The following ZHX2 variants were observed in gnomAD, a reference collection of about 807,000 sequenced individuals.
The protein encoded by ZHX2 is zinc fingers and homeoboxes 2.
Under a neutral mutation model 21.9 loss-of-function variants are expected in ZHX2, and 6 were observed. The observed-to-expected ratio is 0.27, with a 90% CI of 0.15 to 0.54. The LOEUF is 0.54. Ranked by LOEUF, ZHX2 falls within the 20% of genes least tolerant of loss-of-function variation. ZHX2 has a pLI of 0.95. For missense variants in ZHX2, 908 were observed against 1,090.7 expected (o/e 0.83, Z 2.36); for synonymous variants, 434 against 437.1 (o/e 0.99, Z 0.09).
chr8:122,925,102 A>T (rs1197455032), intron 2 of ZHX2, among the ~76,000 whole-genome samples: 1 of 152,228 alleles, frequency 6.6e-6, no homozygotes, highest in Non-Finnish European at 1.5e-5. Context: ...CAGTCCCAGC[A>T]TCAGCCTGAC....
intron 3 of ZHX2, 111 bp from the exon 4 acceptor site, chr8:122,973,125 TGGAAGG>T (rs1052782762): frequency 1.6e-4 from 25 of 152,318 alleles, no homozygotes; most frequent in African/African-American, 6.0e-4. Flanking sequence ...AGGATGACTT[TGGAAGG>T]CCCCCACCCC....
chr8:122,963,881 T>C (rs539391717), intron 3 of ZHX2, among the ~76,000 whole-genome samples: 2 of 151,888 alleles, frequency 1.3e-5, no homozygotes, highest in East Asian at 3.9e-4. Context: ...TTTTTTGTTG[T>C]TGTTTCTTTG....
chr8:122,879,896 G>T (rs1022287144), intron 2 of ZHX2, among the ~76,000 whole-genome samples: 2 of 151,658 alleles, frequency 1.3e-5, no homozygotes, highest in African/African-American at 4.8e-5. Flanking sequence ...CTTGAGTGCT[G>T]CCCTGTGGTT....
intron 1 of ZHX2, among the ~76,000 whole-genome samples, chr8:122,822,032 G>C (rs1448432384): frequency 6.6e-6 from 1 of 152,090 alleles, no homozygotes; most frequent in East Asian, 1.9e-4. Context: ...TGTGCTTCTA[G>C]GAGCCCTATT....
intron 2 of ZHX2, among the ~76,000 whole-genome samples, chr8:122,942,482 G>A (rs951283988): frequency 6.6e-6 from 1 of 152,134 alleles, no homozygotes; most frequent in Non-Finnish European, 1.5e-5. Flanking sequence ...AAGCCCGGAG[G>A]TGTGATTCCC....
intron 2 of ZHX2, among the ~76,000 whole-genome samples, chr8:122,869,863 G>C (rs1474432247): frequency 6.6e-6 from 1 of 152,242 alleles, no homozygotes; most frequent in Non-Finnish European, 1.5e-5. Flanking sequence ...TCATAGGGTA[G>C]TTAGGATGAC....
In ZHX2 at chr8:122,940,209, G is replaced by T. The variant is rs374033993; in HGVS notation, c.-219-11083G>T. Among the ~76,000 whole-genome samples the T allele has an allele frequency of 8.5e-5, 13 of 152,322 alleles. No homozygotes were observed. The East Asian group carries it at 9.6e-4, about 11-fold the overall frequency. On this transcript the variant is annotated intron_variant, in intron 2 of 3. Coordinates refer to ENST00000314393, the MANE Select transcript of ZHX2 (RefSeq NM_014943.5). ...ACTGGGGGTGCTGGCTTCAGCCTGTGCCCCACTTCTACTGACCTGGTGAGC... is the reference window on the plus strand; with the variant it reads ...ACTGGGGGTGCTGGCTTCAGCCTGTTCCCCACTTCTACTGACCTGGTGAGC...
At chr8:122,798,260 A>C (rs1057184741) in intron 1 of ZHX2, among the ~76,000 whole-genome samples, 1 of 152,206 alleles carries the variant, frequency 6.6e-6, no homozygotes, top group Non-Finnish European at 1.5e-5. Flanking sequence ...TTCTTGCAGG[A>C]AATATTCGAG....
intron 2 of ZHX2, among the ~76,000 whole-genome samples, chr8:122,925,610 G>A (rs1225196337): frequency 6.6e-6 from 1 of 152,178 alleles, no homozygotes; most frequent in Non-Finnish European, 1.5e-5. Context: ...TTGAAGATAC[G>A]CAAGAGGTTG....
chr8:122,909,874 C>A (rs572301406), intron 2 of ZHX2, among the ~76,000 whole-genome samples: 33 of 152,330 alleles, frequency 2.2e-4, no homozygotes, highest in African/African-American at 7.9e-4. Context: ...ATGCTTCTTG[C>A]CCGCCTAAAA....
chr8:122,858,626 T>TTTTC (rs1439632333), intron 1 of ZHX2, among the ~76,000 whole-genome samples: 1 of 143,782 alleles, frequency 7.0e-6, no homozygotes, highest in African/African-American at 2.6e-5. Flanking sequence ...ACTCCTTTTT[T>TTTTC]TTTCTTTCTT....
In ZHX2 at chr8:122,952,574, C is replaced by A; in HGVS notation, c.1064C>A (p.Thr355Lys). Residue 355 changes from threonine to lysine, a missense_variant, in exon 3 of 4, where the codon ACA becomes AAA. By Grantham distance (78) the Thr-to-Lys change is moderately conservative. Coordinates refer to ENST00000314393, the MANE Select transcript of ZHX2 (RefSeq NM_014943.5). The surrounding 1 kb of genome is among the most constrained non-coding windows in gnomAD (Gnocchi z 6.9). ...GTGCTGCCCGCCCAGTTGGCCCCCA[C>A]AAAGGTGACGCAGCCCATCCTCCAG... ...ITVLPAQLAP[T>K]KVTQPILQTA... 2 of 1,614,220 alleles carry A rather than the reference C, an allele frequency of 1.2e-6. No homozygotes were observed. Among genetic ancestry groups the A allele is most frequent in the Non-Finnish European group, 1.7e-6 (2 of 1,180,042 alleles).
intron 1 of ZHX2, among the ~76,000 whole-genome samples, chr8:122,787,868 G>A (rs933039488): frequency 2.6e-5 from 4 of 152,212 alleles, no homozygotes; most frequent in Non-Finnish European, 5.9e-5. Context: ...ACAAGTCTAA[G>A]TTAAGGAGGA....
At chr8:122,950,778 C>G (rs1408479176) in intron 2 of ZHX2, among the ~76,000 whole-genome samples, 2 of 151,524 alleles carry the variant, frequency 1.3e-5, no homozygotes, top group East Asian at 3.9e-4. Context: ...TATAAAACTG[C>G]AATATTGGGG....
At chr8:122,919,198 A>G (rs2130068726) in intron 2 of ZHX2, among the ~76,000 whole-genome samples, 1 of 152,244 alleles carries the variant, frequency 6.6e-6, no homozygotes, top group South Asian at 2.1e-4. Context: ...TTCATTTTGC[A>G]TCTCTTACTC....
intron 2 of ZHX2, among the ~76,000 whole-genome samples, chr8:122,898,070 C>T (rs1441424018): frequency 6.6e-6 from 1 of 152,060 alleles, no homozygotes; most frequent in Non-Finnish European, 1.5e-5. Context: ...TGAAAATAAG[C>T]CACCATTTAT....
intron 1 of ZHX2, among the ~76,000 whole-genome samples, chr8:122,822,843 C>T (rs1394464922): frequency 6.6e-6 from 1 of 152,344 alleles, no homozygotes; most frequent in East Asian, 1.9e-4. Flanking sequence ...AGACTGCTCC[C>T]GAGAGAGGCG....
rs144477696 is a variant in ZHX2 at position 122,875,728 on chromosome 8, C to T, written c.-220+12189C>T. Among the ~76,000 whole-genome samples, 301 of 152,340 alleles carry T rather than the reference C, an allele frequency of 2.0e-3. 1 individual carries two copies. The highest frequency in any genetic ancestry group is 3.6e-3 in the Non-Finnish European group (242 of 68,034). ...TGGAAACAGAAGCTGCCTGGGGGTG[C>T]GGGTCCCCCGCCCGTGGTTACACAG... On this transcript the variant is annotated intron_variant, in intron 2 of 3. Coordinates refer to ENST00000314393, the MANE Select transcript of ZHX2 (RefSeq NM_014943.5).
intron 1 of ZHX2, among the ~76,000 whole-genome samples, chr8:122,852,989 G>T (rs1045626777): frequency 1.3e-5 from 2 of 152,080 alleles, no homozygotes; most frequent in Admixed American, 6.5e-5. Flanking sequence ...CAGAAATCCT[G>T]TGTGCAGAGC....
Sources: allele counts gnomAD v4.1 joint callset (sites outside exome capture counted in the v4.1 genomes callset), GRCh38; gene constraint gnomAD v4.1.1; non-coding constraint Gnocchi (gnomAD v3.1); transcripts MANE v1.5; gene names NCBI Gene and HGNC (gene_info 2026-07-23, HGNC 2026-07-21).